Variants in GRIN2A observed in about 807,000 individuals in gnomAD.
GRIN2A encodes glutamate receptor ionotropic, NMDA 2A.
A neutral mutation model predicts 113.4 loss-of-function variants in GRIN2A; 22 were observed. That is an observed-to-expected ratio of 0.19 (90% CI 0.14 to 0.28). The LOEUF is 0.28. Among genes scored for constraint, GRIN2A ranks in the 10% least tolerant of loss-of-function variants. GRIN2A has a pLI of 1.00. For synonymous variants in GRIN2A, 827 were observed against 738.4 expected (o/e 1.12, Z -1.94); for missense variants, 1,502 against 1,887.0 (o/e 0.80, Z 3.78).
intron 2 of GRIN2A, among the ~76,000 whole-genome samples, chr16:10,151,529 A>G (rs1285622017): frequency 1.3e-5 from 2 of 152,236 alleles, no homozygotes; most frequent in African/African-American, 4.8e-5. Context: ...TTCAAAAGTT[A>G]CAGGGCCATT....
intron 7 of GRIN2A, among the ~76,000 whole-genome samples, chr16:9,837,997 A>G (rs1225037211): frequency 6.6e-6 from 1 of 152,218 alleles, no homozygotes; most frequent in African/African-American, 2.4e-5. Flanking sequence ...CTCTGAATGT[A>G]AGGCAGTGTC....
chr16:9,776,296 T>G (rs1051740154), intron 11 of GRIN2A, among the ~76,000 whole-genome samples: 222 of 129,398 alleles, frequency 1.7e-3, no homozygotes, highest in Non-Finnish European at 2.6e-3. Context: ...TTTTTTTTTT[T>G]GTATAGAATT....
intron 2 of GRIN2A, among the ~76,000 whole-genome samples, chr16:10,168,087 C>T (rs566345584): frequency 6.6e-6 from 1 of 152,262 alleles, no homozygotes; most frequent in Non-Finnish European, 1.5e-5. Flanking sequence ...TGCAAAAACA[C>T]CCCATTTCGA....
chr16:9,868,359 C>T (rs1242169570), intron 4 of GRIN2A, among the ~76,000 whole-genome samples: 3 of 152,138 alleles, frequency 2.0e-5, no homozygotes, highest in South Asian at 2.1e-4. Flanking sequence ...CTCCGCCTCC[C>T]GGGTTCGAGC....
chr16:10,091,369 G>T (rs1567291748), intron 2 of GRIN2A, among the ~76,000 whole-genome samples: 1 of 152,188 alleles, frequency 6.6e-6, no homozygotes, highest in South Asian at 2.1e-4. Context: ...GGAGGCTGAG[G>T]TAGGTGATCA....
chr16:9,997,302 C>A (rs2650423), intron 2 of GRIN2A, among the ~76,000 whole-genome samples: 132,567 of 152,128 alleles, frequency 0.87, 58,346 homozygotes, highest in African/African-American at 0.96. Flanking sequence ...CTCCCCACTC[C>A]CAATGTTCCC....
chr16:9,939,891 C>A (rs1297659502), intron 2 of GRIN2A, among the ~76,000 whole-genome samples: 3 of 152,080 alleles, frequency 2.0e-5, no homozygotes, highest in African/African-American at 7.2e-5. Flanking sequence ...AGATGTATTT[C>A]TTTCAGGGAA....
At chr16:10,020,810 A>G (rs1481182326) in intron 2 of GRIN2A, among the ~76,000 whole-genome samples, 1 of 152,168 alleles carries the variant, frequency 6.6e-6, no homozygotes, top group African/African-American at 2.4e-5. Context: ...GATCATCATT[A>G]TTATCATTGC....
intron 2 of GRIN2A, among the ~76,000 whole-genome samples, chr16:10,134,984 G>A (rs1343434765): frequency 1.3e-5 from 2 of 152,114 alleles, no homozygotes; most frequent in Non-Finnish European, 2.9e-5. Flanking sequence ...ATGCTTTCCT[G>A]ATAGTAAATC....
At chr16:10,081,660 T>G (rs2047984944) in intron 2 of GRIN2A, among the ~76,000 whole-genome samples, 1 of 152,176 alleles carries the variant, frequency 6.6e-6, no homozygotes, top group Admixed American at 6.5e-5. Context: ...AGGTTTCCTT[T>G]CATGAAGATA....
At chr16:10,005,027 G>A (rs903494497) in intron 2 of GRIN2A, among the ~76,000 whole-genome samples, 1 of 152,064 alleles carries the variant, frequency 6.6e-6, no homozygotes, top group East Asian at 1.9e-4. Context: ...AAAGTAAAAC[G>A]AAAATTTATT....
intron 2 of GRIN2A, among the ~76,000 whole-genome samples, chr16:10,084,168 C>T (rs1320236439): frequency 6.6e-6 from 1 of 152,160 alleles, no homozygotes; most frequent in Non-Finnish European, 1.5e-5. Context: ...GGCTTAGAAC[C>T]TGGTGACATG....
At chr16:10,064,656 C>T (rs748740224) in intron 2 of GRIN2A, among the ~76,000 whole-genome samples, 1 of 152,188 alleles carries the variant, frequency 6.6e-6, no homozygotes, top group Non-Finnish European at 1.5e-5. Flanking sequence ...TAAAACATAT[C>T]AAGAGATGTC....
intron 2 of GRIN2A, among the ~76,000 whole-genome samples, chr16:10,115,017 C>T (rs563045589): frequency 6.6e-6 from 1 of 152,370 alleles, no homozygotes; most frequent in East Asian, 1.9e-4. Context: ...GCCTCTTTCA[C>T]TTGTTTAAAA....
At chr16:9,900,111 G>C (rs558525834) in intron 3 of GRIN2A, among the ~76,000 whole-genome samples, 1 of 152,314 alleles carries the variant, frequency 6.6e-6, no homozygotes, top group East Asian at 1.9e-4. Context: ...ACTATGGTAG[G>C]GGTAGCAGTA....
chr16:10,064,424 C>G (rs2047609608), intron 2 of GRIN2A, among the ~76,000 whole-genome samples: 1 of 152,146 alleles, frequency 6.6e-6, no homozygotes, highest in Non-Finnish European at 1.5e-5. Context: ...ACCAGAGATC[C>G]TCAAACATTT....
At chr16:10,016,144 G>A (rs979347000) in intron 2 of GRIN2A, among the ~76,000 whole-genome samples, 7 of 147,410 alleles carry the variant, frequency 4.7e-5, no homozygotes, top group African/African-American at 7.5e-5. Context: ...AAAAAAAAGT[G>A]GTAGGCATGG....
intron 4 of GRIN2A, among the ~76,000 whole-genome samples, chr16:9,852,032 T>C (rs1301728297): frequency 6.6e-6 from 1 of 152,224 alleles, no homozygotes; most frequent in African/African-American, 2.4e-5. Flanking sequence ...TTTTATATTA[T>C]AACCTCAATG....
chr16:10,029,764 G>A (rs1304506576), intron 2 of GRIN2A, among the ~76,000 whole-genome samples: 2 of 152,086 alleles, frequency 1.3e-5, no homozygotes, highest in African/African-American at 4.8e-5. Flanking sequence ...GGAGGCCGAA[G>A]GGGGTGTAGA....
Sources: allele counts gnomAD v4.1 joint callset (sites outside exome capture counted in the v4.1 genomes callset), GRCh38; gene constraint gnomAD v4.1.1; transcripts MANE v1.5; gene names NCBI Gene and HGNC (gene_info 2026-07-23, HGNC 2026-07-21).